Variants in LRP1B observed in about 807,000 individuals in gnomAD.
The protein encoded by LRP1B is LDL receptor related protein 1B.
LRP1B carries 217 observed loss-of-function variants against 556.6 expected under a neutral mutation model. The ratio of observed to expected loss-of-function variants is 0.39; its 90% confidence interval spans 0.35 to 0.44. The LOEUF is 0.44. Among genes scored for constraint, LRP1B ranks in the 20% least tolerant of loss-of-function variants. LRP1B has a pLI of 1.00. For missense variants in LRP1B, 5,053 were observed against 5,620.8 expected, an observed-to-expected ratio of 0.90 and a Z score of 3.23; for synonymous variants, 2,047 against 1,865.8, an observed-to-expected ratio of 1.10 and a Z score of -2.50.
At chr2:140,469,500 A>T (rs936326060) in intron 60 of LRP1B, among the ~76,000 whole-genome samples, 2 of 152,226 alleles carry the variant, frequency 1.3e-5, no homozygotes, top group Non-Finnish European at 2.9e-5. Flanking sequence ...TTAAAGTAAC[A>T]TCATTGCTCT....
chr2:140,426,458 GC>G (rs1193404568), intron 66 of LRP1B, among the ~76,000 whole-genome samples: 1 of 152,012 alleles, frequency 6.6e-6, no homozygotes, highest in African/African-American at 2.4e-5. Flanking sequence ...CATCCAGATG[GC>G]CGGTTCCTGC....
At chr2:140,554,271 A>G (rs1286727910) in intron 43 of LRP1B, among the ~76,000 whole-genome samples, 2 of 152,094 alleles carry the variant, frequency 1.3e-5, no homozygotes, top group Non-Finnish European at 2.9e-5. Context: ...TGGAGGTGTT[A>G]TAGCCACTGC....
intron 1 of LRP1B, among the ~76,000 whole-genome samples, chr2:141,814,603 C>T (rs1018610959): frequency 3.3e-5 from 5 of 152,106 alleles, no homozygotes; most frequent in Non-Finnish European, 5.9e-5. Context: ...TTATGTTCAC[C>T]ATCTAATAAA....
At chr2:141,143,567 T>G (rs915636515) in intron 7 of LRP1B, among the ~76,000 whole-genome samples, 1 of 152,204 alleles carries the variant, frequency 6.6e-6, no homozygotes, top group African/African-American at 2.4e-5. Flanking sequence ...ACTGATAAAT[T>G]CCTAGTATCT....
intron 1 of LRP1B, among the ~76,000 whole-genome samples, chr2:141,938,950 A>G (rs902032574): frequency 3.3e-5 from 5 of 152,066 alleles, no homozygotes; most frequent in Admixed American, 6.6e-5. Flanking sequence ...ACAAAATTAA[A>G]TACACAGAAA....
At chr2:141,209,139 G>C (rs1682432677) in intron 6 of LRP1B, among the ~76,000 whole-genome samples, 1 of 152,018 alleles carries the variant, frequency 6.6e-6, no homozygotes, top group Non-Finnish European at 1.5e-5. Flanking sequence ...AGGAAATCTA[G>C]AACTGATACT....
chr2:141,110,384 G>T (rs1039434452), intron 7 of LRP1B, among the ~76,000 whole-genome samples: 12 of 152,002 alleles, frequency 7.9e-5, no homozygotes, highest in African/African-American at 2.7e-4. Context: ...TTCCTATTTA[G>T]GTTTAGTACC....
At chr2:140,750,203 T>A (rs73961467) in intron 35 of LRP1B, among the ~76,000 whole-genome samples, 3,682 of 152,278 alleles carry the variant, frequency 0.024, 67 homozygotes, top group Middle Eastern at 0.048. Flanking sequence ...ATGCCTCATC[T>A]AATACTGACT....
At chr2:140,532,947 T>TATATATATATATATATATACAC in intron 47 of LRP1B, among the ~76,000 whole-genome samples, 2 of 124,282 alleles carry the variant, frequency 1.6e-5, no homozygotes, top group African/African-American at 6.4e-5. Flanking sequence ...TATATATATA[T>TATATATATATATATATATACAC]ACACATATAT....
At chr2:141,283,618 CTTT>C (rs751136016) in intron 3 of LRP1B, among the ~76,000 whole-genome samples, 6 of 123,922 alleles carry the variant, frequency 4.8e-5, no homozygotes, top group African/African-American at 1.5e-4. Context: ...AAGAGACCCA[CTTT>C]TTTTTTTTTT....
At chr2:141,234,259 A>G (rs1473512823) in intron 5 of LRP1B, among the ~76,000 whole-genome samples, 3 of 152,216 alleles carry the variant, frequency 2.0e-5, no homozygotes, top group Admixed American at 2.0e-4. Context: ...GCAGTTAGAA[A>G]TGAGAAGACT....
At chr2:140,522,248 T>C (rs1690214874) in intron 49 of LRP1B, among the ~76,000 whole-genome samples, 1 of 151,646 alleles carries the variant, frequency 6.6e-6, no homozygotes, top group South Asian at 2.1e-4. Context: ...GAAATAAAAA[T>C]AGAAAAAGTA....
intron 84 of LRP1B, among the ~76,000 whole-genome samples, chr2:140,275,292 G>T (rs534283705): frequency 1.3e-5 from 2 of 151,982 alleles, no homozygotes; most frequent in Non-Finnish European, 2.9e-5. Flanking sequence ...GTAGAAGCTC[G>T]GCAGTTGCCT....
chr2:141,655,255 T>C (rs1332627485), intron 2 of LRP1B, among the ~76,000 whole-genome samples: 1 of 152,164 alleles, frequency 6.6e-6, no homozygotes, highest in Non-Finnish European at 1.5e-5. Context: ...TACTAAATAA[T>C]AAAATAAAAC....
rs546820878 is a variant in LRP1B at position 140,973,771 on chromosome 2, A to G, written c.2887+8389T>C. ...AACTTGTGATAAAAATACATAACAT[A>G]AAATTTACCATATTAACCATTTTAA... On this transcript the variant is annotated intron_variant, in intron 18 of 90. Coordinates refer to ENST00000389484, the MANE Select transcript of LRP1B (RefSeq NM_018557.3). 3.9e-5 allele frequency among the ~76,000 whole-genome samples: 6 copies of G among 152,302 alleles called. No individual in the cohort carries two copies. In the South Asian group the frequency reaches 1.2e-3, roughly 32 times the overall value.
At chr2:141,991,165 T>C (rs912833967) in intron 1 of LRP1B, among the ~76,000 whole-genome samples, 5 of 152,082 alleles carry the variant, frequency 3.3e-5, no homozygotes, top group African/African-American at 4.8e-5. Flanking sequence ...TACTGTGATA[T>C]TATGTTTATA....
chr2:141,175,624 T>A (rs1382690254), intron 7 of LRP1B, among the ~76,000 whole-genome samples: 1 of 152,160 alleles, frequency 6.6e-6, no homozygotes, highest in Non-Finnish European at 1.5e-5. Context: ...GCTGCAGGAC[T>A]GGAGCCCTCA....
chr2:142,055,447 G>A (rs1377323499), intron 1 of LRP1B, among the ~76,000 whole-genome samples: 1 of 152,098 alleles, frequency 6.6e-6, no homozygotes, highest in East Asian at 1.9e-4. Flanking sequence ...AATGTAATGG[G>A]AAGAAATAAA....
intron 1 of LRP1B, among the ~76,000 whole-genome samples, chr2:141,871,309 T>C (rs1312184619): frequency 6.6e-6 from 1 of 151,968 alleles, no homozygotes; most frequent in Non-Finnish European, 1.5e-5. Context: ...TTTTAAAAAC[T>C]CTTCCTTTTT....
Sources: gnomAD v4.1 joint callset for allele counts (sites outside exome capture counted in the v4.1 genomes callset) on GRCh38, gnomAD v4.1.1 for gene constraint, MANE v1.5 for transcripts, NCBI Gene and HGNC (gene_info 2026-07-23, HGNC 2026-07-21) for gene names.